The following SIGLEC15 variants were observed in gnomAD, a reference collection of about 807,000 sequenced individuals.
SIGLEC15 encodes sialic acid-binding Ig-like lectin 15.
A neutral mutation model predicts 26.2 loss-of-function variants in SIGLEC15; 31 were observed. That is an observed-to-expected ratio of 1.18 (90% CI 0.89 to 1.60). The LOEUF (loss-of-function observed/expected upper bound fraction) is 1.60. Among genes scored for constraint, SIGLEC15 ranks in the 40% most tolerant of loss-of-function variants. The probability of loss-of-function intolerance (pLI) is 0.00; values close to 1 mark genes in which losing one functional copy is unlikely to be tolerated. For missense variants in SIGLEC15, 501 were observed against 488.4 expected (o/e 1.03, Z -0.24); for synonymous variants, 207 against 221.9 (o/e 0.93, Z 0.60).
rs757121085 is a variant in SIGLEC15 at position 45,842,165 on chromosome 18, C to A, written c.965C>A (p.Pro322Gln). ...NLSQMNPRSP[P>Q]ATMCSP ...AGCCAGATGAACCCCCGGAGCCCAC[C>A]AGCCACCATGTGCTCACCGTGAGGA... Residue 322 changes from proline (P) to glutamine (Q), a missense_variant, in exon 6 of 6, where the codon CCA becomes CAA. Coordinates refer to ENST00000389474, the MANE Select transcript of SIGLEC15 (RefSeq NM_213602.3). 6.2e-7 allele frequency: 1 copy of A among 1,614,194 alleles called. No homozygotes were observed. Among genetic ancestry groups the A allele is most frequent in the East Asian group, 2.2e-5 (1 of 44,886 alleles).
intron 1 of SIGLEC15, among the ~76,000 whole-genome samples, chr18:45,836,048 T>C (rs531762): frequency 0.8 from 121,878 of 152,130 alleles, 49,476 homozygotes; most frequent in African/African-American, 0.93. Context: ...GCAGAAGGAA[T>C]GTCCCGACCT....
chr18:45,840,079 G>A, intron 4 of SIGLEC15, 132 bp from the exon 5 acceptor site: 1 of 938,576 alleles, frequency 1.1e-6, no homozygotes, highest in African/African-American at 1.6e-5. Context: ...TTCACACCCT[G>A]CTAGTCTGCT....
chr18:45,831,350 A>C (rs527453990), intron 1 of SIGLEC15, among the ~76,000 whole-genome samples: 1 of 152,314 alleles, frequency 6.6e-6, no homozygotes, highest in South Asian at 2.1e-4. Flanking sequence ...TGCCTCCCTC[A>C]TTGAATGTCA....
chr18:45,839,345 A>T (rs2048305573), intron 4 of SIGLEC15, among the ~76,000 whole-genome samples: 1 of 152,216 alleles, frequency 6.6e-6, no homozygotes, highest in Non-Finnish European at 1.5e-5. Context: ...GCACAGAGAT[A>T]TAGAGACCCA....
At chr18:45,826,344 T>A (rs956021952) in intron 1 of SIGLEC15, among the ~76,000 whole-genome samples, 1 of 152,186 alleles carries the variant, frequency 6.6e-6, no homozygotes, top group South Asian at 2.1e-4. Flanking sequence ...CTCGGTGACT[T>A]GGTATCCTGG....
Position 45,842,533 on chromosome 18 carries a change from T to C in SIGLEC15, c.*346T>C, listed in dbSNP as rs1452092957. 8.1e-6 allele frequency: 2 copies of C among 248,206 alleles called. No individual in the cohort carries two copies. Among genetic ancestry groups the C allele is most frequent in the South Asian group, 7.4e-5 (1 of 13,432 alleles). The allele number at this position is 248,206 out of a possible 1,614,324, so 15.4% of individuals were successfully genotyped here. On this transcript the variant is annotated 3_prime_UTR_variant, in exon 6 of 6. Transcript: ENST00000389474. ...CCTTTCTTACCTAGAACACCTGCTATAGTAAAGCAGACAGGAAACTGTTTA... is the reference window on the plus strand; with the variant it reads ...CCTTTCTTACCTAGAACACCTGCTACAGTAAAGCAGACAGGAAACTGTTTA...
chr18:45,828,976 G>C (rs2048209784), intron 1 of SIGLEC15: 1 of 476,022 alleles, frequency 2.1e-6, no homozygotes, highest in Non-Finnish European at 2.7e-6. Flanking sequence ...CCCAGTGGCT[G>C]TTGTGAGCAG....
chr18:45,831,631 A>T (rs1271597617), intron 1 of SIGLEC15, among the ~76,000 whole-genome samples: 2 of 152,368 alleles, frequency 1.3e-5, no homozygotes, highest in African/African-American at 4.8e-5. Context: ...TACATGAATG[A>T]ATAAATGAAG....
Position 45,842,376 on chromosome 18 carries a change from C to T in SIGLEC15, c.*189C>T, listed in dbSNP as rs1227070625. On this transcript the variant is annotated 3_prime_UTR_variant, in exon 6 of 6. Transcript: ENST00000389474. ...TGGCCTCCTATGTGGACAACCATTT[C>T]GGAGCTCCCTGATATTTTTGCCAGC... The T allele has an allele frequency of 3.8e-5, 23 of 600,390 alleles. No individual in the cohort carries two copies. The highest frequency in any genetic ancestry group is 3.5e-4 in the Admixed American group (12 of 33,804). The allele number at this position is 600,390 out of a possible 1,614,324, so 37.2% of individuals were successfully genotyped here. A position where few individuals can be genotyped will look rare whatever the true frequency, so the allele number is the denominator to read the frequency against.
intron 4 of SIGLEC15, 131 bp from the exon 5 acceptor site, chr18:45,840,080 C>T: frequency 1.1e-6 from 1 of 946,790 alleles, no homozygotes; most frequent in South Asian, 1.7e-5. Context: ...TCACACCCTG[C>T]TAGTCTGCTG....
chr18:45,835,501 G>A (rs763406775), intron 1 of SIGLEC15, among the ~76,000 whole-genome samples: 34 of 152,148 alleles, frequency 2.2e-4, no homozygotes, highest in Non-Finnish European at 4.3e-4. Flanking sequence ...AGGCAGCTCA[G>A]GAAGAGAAGA....
At chr18:45,826,837 G>T (rs1293570776) in intron 1 of SIGLEC15, among the ~76,000 whole-genome samples, 1 of 152,174 alleles carries the variant, frequency 6.6e-6, no homozygotes, top group East Asian at 1.9e-4. Context: ...GCAAACCTCT[G>T]CACAGCTGTC....
chr18:45,826,072 T>A (rs1175596894), intron 1 of SIGLEC15, among the ~76,000 whole-genome samples: 1 of 152,148 alleles, frequency 6.6e-6, no homozygotes, highest in Non-Finnish European at 1.5e-5. Flanking sequence ...CAGAGGACAA[T>A]AGGCCAGGTA....
At position 45,842,311 on chromosome 18, in the gene SIGLEC15, C is replaced by T. The variant is rs1016401189; in HGVS notation, c.*124C>T. The T allele has an allele frequency of 3.0e-6, 3 of 1,006,666 alleles. No homozygotes were observed. In the East Asian group the frequency reaches 7.6e-5, roughly 25 times the overall value. 62.4% of individuals were successfully genotyped at this position (1,006,666 alleles called of 1,614,324 possible). On this transcript the variant is annotated 3_prime_UTR_variant, in exon 6 of 6. Coordinates refer to ENST00000389474, the MANE Select transcript of SIGLEC15 (RefSeq NM_213602.3). ...GGCAGCCCCCAGCTGGGTGGCTCCTCCCCTGCTCAAGGTCAAGACCCTGCT... is the reference window on the plus strand; with the variant it reads ...GGCAGCCCCCAGCTGGGTGGCTCCTTCCCTGCTCAAGGTCAAGACCCTGCT...
chr18:45,829,350 A>G (rs1187177969), intron 1 of SIGLEC15, among the ~76,000 whole-genome samples: 1 of 152,132 alleles, frequency 6.6e-6, no homozygotes, highest in East Asian at 1.9e-4. Flanking sequence ...TGACAGTTGG[A>G]ATTTCTGCTT....
At chr18:45,830,276 GCT>G (rs1327102352) in intron 1 of SIGLEC15, among the ~76,000 whole-genome samples, 2 of 152,226 alleles carry the variant, frequency 1.3e-5, no homozygotes, top group Admixed American at 1.3e-4. Context: ...AGGCTCCCCA[GCT>G]CTGTTTCTGT....
Position 45,842,243 on chromosome 18 carries a change from C to A in SIGLEC15, c.*56C>A, listed in dbSNP as rs762739743. ...GCACTGTAAAGAACAAAGGCCAGTGCGAGGCTTGGCTGGCACAGCCAGTCC... is the reference window on the plus strand; with the variant it reads ...GCACTGTAAAGAACAAAGGCCAGTGAGAGGCTTGGCTGGCACAGCCAGTCC... On this transcript the variant is annotated 3_prime_UTR_variant, in exon 6 of 6. Coordinates refer to ENST00000389474, the MANE Select transcript of SIGLEC15 (RefSeq NM_213602.3). 1 of 1,591,640 alleles carries A rather than the reference C, an allele frequency of 6.3e-7. No homozygotes were observed. The highest frequency in any genetic ancestry group is 8.6e-7 in the Non-Finnish European group (1 of 1,159,806).
chr18:45,830,057 G>A lies in SIGLEC15; in HGVS notation c.52+4277G>A, dbSNP rs1433568489. Among the ~76,000 whole-genome samples, 10 of 152,062 alleles carry A rather than the reference G, an allele frequency of 6.6e-5. 1 individual carries two copies. The highest frequency in any genetic ancestry group is 3.9e-4 in the Admixed American group (6 of 15,262). On this transcript the variant is annotated intron_variant, in intron 1 of 5. Transcript: ENST00000389474. Reference sequence around the variant, plus strand: ...AACATCCACAGAGAGCAAGTGACCCGTGCTCCGCCATGAAACCGACAAGCA... The same window carrying A: ...AACATCCACAGAGAGCAAGTGACCCATGCTCCGCCATGAAACCGACAAGCA...
intron 4 of SIGLEC15, 33 bp downstream of exon 4, chr18:45,839,128 G>C: frequency 1.5e-6 from 2 of 1,358,842 alleles, no homozygotes; most frequent in Non-Finnish European, 1.9e-6. Flanking sequence ...TGGCCGCGAG[G>C]GGCCGGGCCG....
Sources: gnomAD v4.1 joint callset for allele counts (sites outside exome capture counted in the v4.1 genomes callset) on GRCh38, gnomAD v4.1.1 for gene constraint, MANE v1.5 for transcripts, NCBI Gene and HGNC (gene_info 2026-07-23, HGNC 2026-07-21) for gene names.